GABRG3: variants seen among roughly 807,000 people sequenced by gnomAD.
The protein encoded by GABRG3 is gamma-aminobutyric acid type A receptor subunit gamma3, also known as gamma-aminobutyric acid receptor subunit gamma-3.
In GABRG3, 25 loss-of-function variants were observed where a neutral mutation model predicts 48.8. The observed-to-expected ratio is 0.51, with a 90% CI of 0.37 to 0.72. GABRG3 has a LOEUF of 0.72. Ranked by LOEUF, GABRG3 falls within the 30% of genes least tolerant of loss-of-function variation. The probability of loss-of-function intolerance (pLI) is 0.00; values close to 1 mark genes in which losing one functional copy is unlikely to be tolerated. For synonymous variants in GABRG3, 227 were observed against 217.6 expected, an observed-to-expected ratio of 1.04 and a Z score of -0.38; for missense variants, 394 against 577.9, an observed-to-expected ratio of 0.68 and a Z score of 3.26.
At chr15:27,506,747 C>T (rs1890769282) in intron 6 of GABRG3, among the ~76,000 whole-genome samples, 1 of 152,058 alleles carries the variant, frequency 6.6e-6, no homozygotes, top group African/African-American at 2.4e-5. Flanking sequence ...AGTAGAAAAA[C>T]TAATACATTA....
At chr15:27,040,813 G>A (rs892106687) in intron 3 of GABRG3, among the ~76,000 whole-genome samples, 1 of 151,626 alleles carries the variant, frequency 6.6e-6, no homozygotes, top group Non-Finnish European at 1.5e-5. Flanking sequence ...AGCAATTAAG[G>A]TTTAAGCATT....
chr15:27,440,140 C>T (rs1053362939), intron 5 of GABRG3, among the ~76,000 whole-genome samples: 2 of 152,170 alleles, frequency 1.3e-5, no homozygotes, highest in African/African-American at 2.4e-5. Flanking sequence ...CCACCCTTTC[C>T]CCCATCCCCA....
intron 6 of GABRG3, among the ~76,000 whole-genome samples, chr15:27,509,008 C>T (rs1027485994): frequency 1.3e-5 from 2 of 152,162 alleles, no homozygotes; most frequent in East Asian, 1.9e-4. Context: ...CTTGAGCCAC[C>T]GTGCCCGGCT....
chr15:27,396,689 G>GACA (rs1387652268), intron 5 of GABRG3, among the ~76,000 whole-genome samples: 4 of 152,178 alleles, frequency 2.6e-5, no homozygotes, highest in African/African-American at 9.7e-5. Context: ...CATAAAAAGT[G>GACA]ACAGCTGCTT....
intron 5 of GABRG3, chr15:27,365,926 G>C (rs1040317261): frequency 6.6e-6 from 1 of 152,090 alleles, no homozygotes; most frequent in African/African-American, 2.4e-5. Flanking sequence ...TTTTTTAATT[G>C]ATTTATAGGG....
At chr15:27,486,630 A>T (rs1450557350) in intron 6 of GABRG3, among the ~76,000 whole-genome samples, 3 of 152,156 alleles carry the variant, frequency 2.0e-5, no homozygotes, top group Non-Finnish European at 4.4e-5. Flanking sequence ...TATCTGCACC[A>T]CTTACCTCCT....
At chr15:27,441,242 T>C (rs1888774850) in intron 5 of GABRG3, among the ~76,000 whole-genome samples, 1 of 152,228 alleles carries the variant, frequency 6.6e-6, no homozygotes, top group South Asian at 2.1e-4. Context: ...GTAGAACATT[T>C]GTGCACTGTC....
intron 3 of GABRG3, among the ~76,000 whole-genome samples, chr15:27,230,995 T>C (rs550006994): frequency 5.4e-5 from 8 of 146,862 alleles, no homozygotes; most frequent in African/African-American, 2.1e-4. Flanking sequence ...TTGAGCCAAG[T>C]TTAAAACAGT....
chr15:27,018,879 G>A (rs1425768970), intron 2 of GABRG3, among the ~76,000 whole-genome samples: 1 of 151,770 alleles, frequency 6.6e-6, no homozygotes, highest in Non-Finnish European at 1.5e-5. Context: ...CTCCAAGTTA[G>A]AAAAAAAGCA....
intron 3 of GABRG3, among the ~76,000 whole-genome samples, chr15:27,120,395 A>G (rs185981357): frequency 6.6e-6 from 1 of 152,210 alleles, no homozygotes; most frequent in Non-Finnish European, 1.5e-5. Flanking sequence ...CTCTGGTGAC[A>G]TTTGTGTTTT....
chr15:27,160,363 C>T (rs1472135864), intron 3 of GABRG3, among the ~76,000 whole-genome samples: 1 of 152,120 alleles, frequency 6.6e-6, no homozygotes, highest in Non-Finnish European at 1.5e-5. Context: ...CCCTTTTATT[C>T]TGGAATTTCA....
intron 3 of GABRG3, among the ~76,000 whole-genome samples, chr15:27,045,316 T>C (rs1442340815): frequency 6.6e-6 from 1 of 152,102 alleles, no homozygotes; most frequent in African/African-American, 2.4e-5. Context: ...TCGTGCTAGG[T>C]GCCGCACAGC....
At chr15:27,519,681 C>T (rs1418154307) in intron 6 of GABRG3, among the ~76,000 whole-genome samples, 1 of 152,148 alleles carries the variant, frequency 6.6e-6, no homozygotes, top group East Asian at 1.9e-4. Context: ...GATAATAGCT[C>T]ATCAACTCAT....
chr15:27,176,887 T>C (rs2140414234), intron 3 of GABRG3, among the ~76,000 whole-genome samples: 1 of 152,302 alleles, frequency 6.6e-6, no homozygotes, highest in East Asian at 1.9e-4. Context: ...TGGAAAATGC[T>C]AGAGATGAGA....
rs569221543 is a variant in GABRG3 at position 27,015,361 on chromosome 15, C to T, written c.203-11393C>T. On this transcript the variant is annotated intron_variant, in intron 2 of 9. Transcript: ENST00000615808. The stretch of plus-strand genomic sequence containing the variant: ...TTCTGCCCCTCCTTTCCTCTCTTGC[C>T]GCTCACTTTCTTTTGTGTTTGATTT... 5.3e-5 allele frequency among the ~76,000 whole-genome samples: 8 copies of T among 150,822 alleles called. No homozygotes were observed. In the East Asian group the frequency reaches 5.8e-4, roughly 11 times the overall value.
At chr15:27,054,128 AC>A (rs1896500835) in intron 3 of GABRG3, among the ~76,000 whole-genome samples, 1 of 152,086 alleles carries the variant, frequency 6.6e-6, no homozygotes, top group African/African-American at 2.4e-5. Context: ...AATCCCAGCT[AC>A]TCAGGAGGCT....
At chr15:27,256,799 G>A (rs1420668798) in intron 3 of GABRG3, among the ~76,000 whole-genome samples, 1 of 152,152 alleles carries the variant, frequency 6.6e-6, no homozygotes, top group East Asian at 1.9e-4. Context: ...AGTGAGTTAT[G>A]TTAGTTCTTT....
chr15:27,181,152 T>A (rs893201071), intron 3 of GABRG3, among the ~76,000 whole-genome samples: 1 of 152,124 alleles, frequency 6.6e-6, no homozygotes, highest in African/African-American at 2.4e-5. Context: ...GAGCAGTTTG[T>A]GGCAAGCAGA....
intron 5 of GABRG3, among the ~76,000 whole-genome samples, chr15:27,468,551 C>G (rs1467490849): frequency 2.0e-5 from 3 of 152,188 alleles, no homozygotes; most frequent in Non-Finnish European, 4.4e-5. Context: ...CTTATCAGCT[C>G]ATAGCATCTG....
Sources: allele counts gnomAD v4.1 joint callset (sites outside exome capture counted in the v4.1 genomes callset), GRCh38; gene constraint gnomAD v4.1.1; transcripts MANE v1.5; gene names NCBI Gene and HGNC (gene_info 2026-07-23, HGNC 2026-07-21).